HUWE1: variants seen among roughly 807,000 people sequenced by gnomAD.
HUWE1 encodes the protein HECT, UBA and WWE domain containing E3 ubiquitin protein ligase 1, also known as E3 ubiquitin-protein ligase HUWE1.
A neutral mutation model predicts 299.4 loss-of-function variants in HUWE1; 18 were observed. The ratio of observed to expected loss-of-function variants is 0.06; its 90% CI spans 0.04 to 0.09. The LOEUF is 0.09. Among genes scored for constraint, HUWE1 ranks in the 10% least tolerant of loss-of-function variants. The probability of loss-of-function intolerance (pLI) is 1.00; values close to 1 mark genes in which losing one functional copy is unlikely to be tolerated. For missense variants in HUWE1, 1,832 were observed against 3,462.3 expected (o/e 0.53, Z 11.82); for synonymous variants, 1,317 against 1,286.1 (o/e 1.02, Z -0.51).
intron 53 of HUWE1, 69 bp downstream of exon 53, chrX:53,562,762 A>G (rs2062355563): frequency 2.3e-6 from 2 of 870,264 alleles, no homozygotes; most frequent in Admixed American, 4.4e-5. Context: ...CCTCCAGGAA[A>G]ACCCTAGTGT....
chrX:53,578,393 CG>C lies in HUWE1; in HGVS notation c.5717-1327del, dbSNP rs1456158884. Among the ~76,000 whole-genome samples the C allele has an allele frequency of 4.6e-5, 4 of 87,586 alleles. No individual in the cohort carries two copies. In the Admixed American group the frequency reaches 4.6e-4, roughly 10 times the overall value. 76.1% of individuals were successfully genotyped at this position (87,586 alleles called of 115,157 possible). A position where few individuals can be genotyped will look rare whatever the true frequency, so the allele number is the denominator to read the frequency against. On this transcript the variant is annotated intron_variant, in intron 43 of 83. Coordinates refer to ENST00000262854, the MANE Select transcript of HUWE1 (RefSeq NM_031407.7). ...CCCCCGCCCGGCCAGCCGCCCCGTCCGGGAGGTGAGGGGCTCCTCTGCCCGG... is the reference window on the plus strand; with the variant it reads ...CCCCCGCCCGGCCAGCCGCCCCGTCCGGAGGTGAGGGGCTCCTCTGCCCGG...
At chrX:53,675,372 G>A (rs782651781) in intron 3 of HUWE1, among the ~76,000 whole-genome samples, 1 of 111,704 alleles carries the variant, frequency 9.0e-6, no homozygotes, top group African/African-American at 3.3e-5. Context: ...ACAATTGTTG[G>A]CTTTCTCACA....
intron 49 of HUWE1, among the ~76,000 whole-genome samples, chrX:53,567,893 A>G (rs1556947168): frequency 9.0e-6 from 1 of 111,582 alleles, no homozygotes; most frequent in African/African-American, 3.3e-5. Context: ...CAAAATGTTT[A>G]AACTGCTTCA....
In HUWE1 at chrX:53,632,174, G is replaced by C; in HGVS notation, c.645+313C>G. On this transcript the variant is annotated intron_variant, in intron 9 of 83. Transcript: ENST00000262854. ...GCAGGCTTCCTAATTAGAGAAACCT[G>C]AGCCATCACCATCCAAACTACTATA... The C allele has an allele frequency of 1.8e-5, 6 of 339,635 alleles. No homozygotes were observed. In the South Asian group the frequency reaches 2.1e-4, roughly 12 times the overall value. The allele number at this position is 339,635 out of a possible 1,213,427, so 28.0% of individuals were successfully genotyped here.
At chrX:53,655,186 G>T (rs1207154937) in intron 3 of HUWE1, among the ~76,000 whole-genome samples, 7 of 110,920 alleles carry the variant, frequency 6.3e-5, no homozygotes, top group Middle Eastern at 4.2e-3. Flanking sequence ...AAAAGATTCT[G>T]CTATTAACAA....
Position 53,548,019 on chromosome X carries a change from T to G in HUWE1, c.10290A>C (p.Pro3430=), listed in dbSNP as rs1556924704. 8.3e-7 allele frequency: 1 copy of G among 1,211,123 alleles called. No individual in the cohort carries two copies. The highest frequency in any genetic ancestry group is 1.1e-6 in the Non-Finnish European group (1 of 895,222). Residue 3430 remains proline, a synonymous_variant, in exon 68 of 84, where the codon CCA becomes CCC. Transcript: ENST00000262854. The part of the protein sequence containing the change: ...ETSPYSLEAS[P]LGQLMNMLSH... ...ACAACATGTTCATGAGCTGCCCCAG[T>G]GGAGAGGCCTCGAGGCTGTATGGAG...
At chrX:53,648,405 T>A in intron 4 of HUWE1, 95 bp from the exon 5 acceptor site, 3 of 532,530 alleles carry the variant, frequency 5.6e-6, no homozygotes, top group Non-Finnish European at 9.8e-6. Flanking sequence ...CACACAGCAA[T>A]TTTCCTTTTG....
In HUWE1 at chrX:53,592,445, C is replaced by A; in HGVS notation, c.3925G>T (p.Gly1309Cys). The change falls in exon 33 of 84, where the codon GGT becomes TGT. Residue 1309 changes from glycine to cysteine, a missense_variant. By Grantham distance (159) the Gly-to-Cys change is radical. Transcript: ENST00000262854. ...RGEEDTGQEE[G>C]GSRREPQVNQ... The stretch of plus-strand genomic sequence containing the variant: ...ACTTGAGGTTCCCGGCGGGAGCCAC[C>A]TTCCTCTTGCCCTGTATCCTCTTCT... 8.3e-7 allele frequency: 1 copy of A among 1,211,018 alleles called. No homozygotes were observed. Among genetic ancestry groups the A allele is most frequent in the Non-Finnish European group, 1.1e-6 (1 of 895,244 alleles).
At chrX:53,633,275 G>T in intron 8 of HUWE1, among the ~76,000 whole-genome samples, 1 of 112,412 alleles carries the variant, frequency 8.9e-6, no homozygotes, top group Middle Eastern at 4.6e-3. Flanking sequence ...AAATTAAGAA[G>T]TTACCACTGC....
chrX:53,548,717 A>G (rs1200843786), intron 67 of HUWE1, among the ~76,000 whole-genome samples: 6 of 112,699 alleles, frequency 5.3e-5, no homozygotes, highest in African/African-American at 1.9e-4. Flanking sequence ...CAGGTTCTTC[A>G]TCTGTAAAAC....
At chrX:53,534,321 G>T in intron 82 of HUWE1, 124 bp from the exon 83 acceptor site, 1 of 711,155 alleles carries the variant, frequency 1.4e-6, no homozygotes, top group Non-Finnish European at 2.2e-6. Context: ...TGTGGGATGA[G>T]CTTTAGCTCC....
intron 60 of HUWE1, among the ~76,000 whole-genome samples, chrX:53,555,917 A>G (rs782754594): frequency 5.0e-4 from 56 of 112,020 alleles, no homozygotes; most frequent in Non-Finnish European, 1.0e-3. Context: ...TGCTGGGATT[A>G]CAGGCATGAA....
At chrX:53,586,390 A>T in intron 39 of HUWE1, 100 bp downstream of exon 39, 1 of 546,974 alleles carries the variant, frequency 1.8e-6, no homozygotes, top group Non-Finnish European at 3.2e-6. Flanking sequence ...CATTGGTCAG[A>T]GACTTCTATA....
chrX:53,638,049 CAT>C (rs1355439708), intron 7 of HUWE1, among the ~76,000 whole-genome samples: 14 of 111,585 alleles, frequency 1.3e-4, no homozygotes, highest in African/African-American at 4.6e-4. Flanking sequence ...AAAAAACGAA[CAT>C]GACCATGCTC....
rs782578229 is a variant in HUWE1 at position 53,538,724 on chromosome X, ACT to A, written c.11878+109_11878+110del. 264 of 423,773 alleles carry A rather than the reference ACT, an allele frequency of 6.2e-4. 1 individual carries two copies. Among genetic ancestry groups the A allele is most frequent in the African/African-American group, 1.9e-3 (61 of 31,841 alleles). 34.9% of individuals were successfully genotyped at this position (423,773 alleles called of 1,213,427 possible). A position where few individuals can be genotyped will look rare whatever the true frequency, so the allele number is the denominator to read the frequency against. On this transcript the variant is annotated intron_variant, in intron 76 of 83. Coordinates refer to ENST00000262854, the MANE Select transcript of HUWE1 (RefSeq NM_031407.7). ...CACACACACACACACACACACACACACTCTCTCTCTCTCTCTCTCTCTCTCTC... is the reference window on the plus strand; with the variant it reads ...CACACACACACACACACACACACACACTCTCTCTCTCTCTCTCTCTCTCTC...
At chrX:53,645,662 G>A (rs782473607) in intron 6 of HUWE1, among the ~76,000 whole-genome samples, 199 bp from the exon 7 acceptor site, 5 of 98,227 alleles carry the variant, frequency 5.1e-5, no homozygotes, top group Admixed American at 1.1e-4. Flanking sequence ...GCAGTGAGCC[G>A]AGATCACGCC....
At chrX:53,551,564 T>C in intron 63 of HUWE1, 84 bp from the exon 64 acceptor site, 1 of 884,189 alleles carries the variant, frequency 1.1e-6, no homozygotes, top group Admixed American at 2.6e-5. Flanking sequence ...CAGGCTGGAG[T>C]GTAGTGGTGC....
At chrX:53,656,499 G>A (rs2068751525) in intron 3 of HUWE1, among the ~76,000 whole-genome samples, 1 of 90,151 alleles carries the variant, frequency 1.1e-5, no homozygotes, top group African/African-American at 4.6e-5. Flanking sequence ...CCGAGATAGT[G>A]CCACTGCACT....
chrX:53,533,986 G>A, intron 83 of HUWE1, 21 bp downstream of exon 83: 1 of 1,197,401 alleles, frequency 8.4e-7, no homozygotes, highest in South Asian at 1.8e-5. Context: ...CTGAAAAGGA[G>A]AAACAAACCC....
Sources: allele counts gnomAD v4.1 joint callset (sites outside exome capture counted in the v4.1 genomes callset), GRCh38; gene constraint gnomAD v4.1.1; transcripts MANE v1.5; gene names NCBI Gene and HGNC (gene_info 2026-07-23, HGNC 2026-07-21).